Variants in PTPRQ observed in about 807,000 individuals in gnomAD.
PTPRQ encodes the protein protein tyrosine phosphatase receptor type Q.
Under a neutral mutation model 246.0 loss-of-function variants are expected in PTPRQ, and 199 were observed. The observed-to-expected ratio is 0.81, with a 90% CI of 0.72 to 0.91. PTPRQ has a LOEUF of 0.91. Among genes scored for constraint, PTPRQ ranks in the 40% least tolerant of loss-of-function variants. The probability of loss-of-function intolerance (pLI) is 0.00; values close to 1 mark genes in which losing one functional copy is unlikely to be tolerated. For missense variants in PTPRQ, 2,624 were observed against 2,528.4 expected, an observed-to-expected ratio of 1.04 and a Z score of -0.81; for synonymous variants, 869 against 853.2, an observed-to-expected ratio of 1.02 and a Z score of -0.32.
intron 18 of PTPRQ, among the ~76,000 whole-genome samples, chr12:80,534,397 C>G (rs897303814): frequency 6.6e-6 from 1 of 151,964 alleles, no homozygotes; most frequent in East Asian, 1.9e-4. Context: ...CAGTATCATT[C>G]TACTTCACAG....
chr12:80,613,934 C>T (rs1898652594), intron 29 of PTPRQ, 98 bp downstream of exon 29: 1 of 1,297,496 alleles, frequency 7.7e-7, no homozygotes, highest in African/African-American at 1.5e-5. Flanking sequence ...ATGACATTTC[C>T]CATATCTTTT....
rs775044772 is a variant in PTPRQ, at chr12:80,668,945, G to A, written c.6193-62G>A. On this transcript the variant is annotated intron_variant, in intron 39 of 44. Transcript: ENST00000644991. Reference sequence around the variant, plus strand: ...CCAGCATATGTTTCATGCATTGATCGAAAACTAAAACACTGTATCTGTGAA... The same window carrying A: ...CCAGCATATGTTTCATGCATTGATCAAAAACTAAAACACTGTATCTGTGAA... The A allele has an allele frequency of 2.7e-5, 39 of 1,459,304 alleles. 1 individual carries two copies. The highest frequency in any genetic ancestry group is 6.0e-5 in the South Asian group (4 of 66,514). The allele number at this position is 1,459,304 out of a possible 1,614,324, so 90.4% of individuals were successfully genotyped here.
intron 7 of PTPRQ, among the ~76,000 whole-genome samples, chr12:80,470,740 C>G (rs1592546833): frequency 6.6e-6 from 1 of 151,766 alleles, no homozygotes; most frequent in Admixed American, 6.6e-5. Flanking sequence ...TAAAATAAAA[C>G]AAAAATAAAA....
Position 80,567,489 on chromosome 12 carries a change from G to T in PTPRQ, c.4285+17755G>T, listed in dbSNP as rs988498158. The stretch of plus-strand genomic sequence containing the variant: ...AGAGCATTTCCATCCCCCATAGAAA[G>T]TTCCCTTTTACACCCATTCTTGAAG... On this transcript the variant is annotated intron_variant, in intron 25 of 44. Coordinates refer to ENST00000644991, the MANE Select transcript of PTPRQ (RefSeq NM_001145026.2). Among the ~76,000 whole-genome samples, 56 of 152,160 alleles carry T rather than the reference G, an allele frequency of 3.7e-4. 1 individual carries two copies. The highest frequency in any genetic ancestry group is 1.3e-3 in the African/African-American group (54 of 41,444).
At chr12:80,593,321 C>T (rs1229312046) in intron 26 of PTPRQ, among the ~76,000 whole-genome samples, 1 of 152,056 alleles carries the variant, frequency 6.6e-6, no homozygotes, top group African/African-American at 2.4e-5. Context: ...AAAGTTTCTA[C>T]AATGGATTAT....
intron 26 of PTPRQ, among the ~76,000 whole-genome samples, chr12:80,590,666 CAAAA>C (rs35640802): frequency 0.018 from 1,041 of 57,806 alleles, 13 homozygotes; most frequent in African/African-American, 0.052. Flanking sequence ...GACTCCGTCT[CAAAA>C]AAAAAAAAAA....
intron 19 of PTPRQ, 34 bp downstream of exon 19, chr12:80,535,071 A>G (rs947397355): frequency 8.8e-6 from 13 of 1,470,566 alleles, no homozygotes; most frequent in Non-Finnish European, 1.1e-5. Flanking sequence ...TTCTTTATTA[A>G]CATCCTTAAG....
chr12:80,592,139 A>G (rs1321958983), intron 26 of PTPRQ, among the ~76,000 whole-genome samples: 1 of 152,198 alleles, frequency 6.6e-6, no homozygotes, highest in Non-Finnish European at 1.5e-5. Flanking sequence ...CACAGGGGAA[A>G]TGGTCTTTCT....
chr12:80,659,604 C>G (rs1900561007), intron 39 of PTPRQ, among the ~76,000 whole-genome samples: 1 of 151,902 alleles, frequency 6.6e-6, no homozygotes. Context: ...GTAGCTGAAC[C>G]ACACAGATTA....
chr12:80,592,054 A>T (rs1897817761), intron 26 of PTPRQ, among the ~76,000 whole-genome samples: 1 of 152,212 alleles, frequency 6.6e-6, no homozygotes, highest in South Asian at 2.1e-4. Flanking sequence ...CCACTTGAAT[A>T]TCATTCTTTC....
rs1896102656 is a variant in PTPRQ at position 80,539,942 on chromosome 12, A to G, written c.3152A>G (p.Asp1051Gly). Residue 1051 changes from aspartate (D) to glycine (G), a missense_variant and splice_region_variant, in exon 20 of 45, where the codon GAC becomes GGC. Asp to Gly is a moderately conservative substitution (Grantham distance 94, BLOSUM62 -1). Coordinates refer to ENST00000644991, the MANE Select transcript of PTPRQ (RefSeq NM_001145026.2). Reference sequence around the variant, plus strand: ...ATCATTGAAGTATACACAGATCAAGACAGTATGTAAACAAAAAACACTAAT... The same window carrying G: ...ATCATTGAAGTATACACAGATCAAGGCAGTATGTAAACAAAAAACACTAAT... ...SDIIEVYTDQ[D>G]IPEGFVGNLT... 1.3e-6 allele frequency: 2 copies of G among 1,500,884 alleles called. No individual in the cohort carries two copies. The highest frequency in any genetic ancestry group is 2.8e-5 in the South Asian group (2 of 72,128). The allele number at this position is 1,500,884 out of a possible 1,614,324, so 93.0% of individuals were successfully genotyped here. A position where few individuals can be genotyped will look rare whatever the true frequency, so the allele number is the denominator to read the frequency against.
intron 17 of PTPRQ, among the ~76,000 whole-genome samples, chr12:80,517,756 A>T (rs1458914679): frequency 6.6e-6 from 1 of 152,114 alleles, no homozygotes; most frequent in Admixed American, 6.6e-5. Context: ...GAACATGTGA[A>T]GTTTGTCATT....
chr12:80,565,058 G>A (rs895272627), intron 25 of PTPRQ, among the ~76,000 whole-genome samples: 9 of 152,118 alleles, frequency 5.9e-5, no homozygotes, highest in Non-Finnish European at 8.8e-5. Context: ...GTGAGTTAAC[G>A]TAATAAGATC....
At chr12:80,674,941 G>A (rs1901088684) in intron 43 of PTPRQ, among the ~76,000 whole-genome samples, 2 of 151,964 alleles carry the variant, frequency 1.3e-5, no homozygotes, top group Admixed American at 6.6e-5. Flanking sequence ...CCAATTTTTT[G>A]TCATTCATTT....
In PTPRQ at chr12:80,481,729, C is replaced by T. The variant is rs909568198; in HGVS notation, c.1187-2704C>T. 5.9e-3 allele frequency among the ~76,000 whole-genome samples: 889 copies of T among 151,946 alleles called. 2 individuals carry two copies. Among genetic ancestry groups the T allele is most frequent in the Middle Eastern group, 0.014 (4 of 294 alleles). On this transcript the variant is annotated intron_variant, in intron 8 of 44. Transcript: ENST00000644991. ...AATCACAAGCATTCTTATACACCAA[C>T]AACAGACAAACAGAGAGCCAAATCA...
intron 15 of PTPRQ, 69 bp from the exon 16 acceptor site, chr12:80,506,500 A>AG: frequency 8.1e-7 from 1 of 1,230,124 alleles, no homozygotes; most frequent in South Asian, 1.5e-5. Flanking sequence ...GCCATTTCAT[A>AG]GTTTGCCTCT....
chr12:80,626,215 C>G (rs1413865017), intron 33 of PTPRQ, among the ~76,000 whole-genome samples: 1 of 152,080 alleles, frequency 6.6e-6, no homozygotes. Flanking sequence ...ATTTTGTTAA[C>G]GAGACAGTGG....
chr12:80,597,084 G>A (rs780381716), intron 26 of PTPRQ, among the ~76,000 whole-genome samples: 25 of 151,970 alleles, frequency 1.6e-4, no homozygotes, highest in Non-Finnish European at 2.8e-4. Context: ...ATGACATAGA[G>A]AAGCTATCCA....
chr12:80,503,960 A>G (rs1011826147), intron 14 of PTPRQ, among the ~76,000 whole-genome samples: 2 of 151,096 alleles, frequency 1.3e-5, no homozygotes, highest in African/African-American at 4.9e-5. Context: ...TTTTTCTGGT[A>G]CTGTTAAGAT....
Sources: allele counts gnomAD v4.1 joint callset (sites outside exome capture counted in the v4.1 genomes callset), GRCh38; gene constraint gnomAD v4.1.1; transcripts MANE v1.5; gene names NCBI Gene and HGNC (gene_info 2026-07-23, HGNC 2026-07-21).